LYAR: variants seen among roughly 807,000 people sequenced by gnomAD.
LYAR encodes the protein cell growth-regulating nucleolar protein.
LYAR carries 37 observed loss-of-function variants against 45.2 expected under a neutral mutation model. The ratio of observed to expected loss-of-function variants is 0.82; its 90% CI spans 0.63 to 1.08. The LOEUF (loss-of-function observed/expected upper bound fraction) is 1.08, where lower values mean the gene tolerates loss of function less well. LYAR is among the 50% of genes least tolerant of loss of function. The pLI, the probability that LYAR is intolerant of heterozygous loss-of-function variation, is 0.00. For synonymous variants in LYAR, 176 were observed against 155.1 expected, an observed-to-expected ratio of 1.14 and a Z score of -1.00; for missense variants, 493 against 451.0, an observed-to-expected ratio of 1.09 and a Z score of -0.84.
chr4:4,277,005 A>G (rs1719208655), intron 6 of LYAR, among the ~76,000 whole-genome samples: 2 of 152,182 alleles, frequency 1.3e-5, no homozygotes, highest in South Asian at 4.1e-4. Flanking sequence ...GAAACTTCAC[A>G]TCTGTCCTAC....
intron 6 of LYAR, among the ~76,000 whole-genome samples, chr4:4,276,565 G>T (rs1051318589): frequency 3.4e-5 from 5 of 148,350 alleles, no homozygotes; most frequent in African/African-American, 1.3e-4. Context: ...AAAAGAAAAC[G>T]GATACTGTAG....
At chr4:4,269,366 A>C (rs1718839258) in intron 8 of LYAR, among the ~76,000 whole-genome samples, 1 of 152,228 alleles carries the variant, frequency 6.6e-6, no homozygotes, top group Non-Finnish European at 1.5e-5. Context: ...CATCACAGAA[A>C]AAACGGTGGC....
intron 6 of LYAR, among the ~76,000 whole-genome samples, chr4:4,276,949 G>C (rs1233600291): frequency 2.0e-5 from 3 of 152,190 alleles, no homozygotes; most frequent in Non-Finnish European, 2.9e-5. Flanking sequence ...ATGGGGTAAA[G>C]GGCAGAGGAG....
Position 4,268,515 on chromosome 4 carries a change from G to T in LYAR, c.1005+15C>A, listed in dbSNP as rs747784640. On this transcript the variant is annotated intron_variant, in intron 9 of 9. Coordinates refer to ENST00000343470, the MANE Select transcript of LYAR (RefSeq NM_017816.3). ...CCCCAGCTGTTAGACACGTGGGTTT[G>T]TTCATATGCCATACCTTTTTCCTTA... The T allele has an allele frequency of 3.8e-6, 6 of 1,573,882 alleles. No individual in the cohort carries two copies. In the Admixed American group the frequency reaches 8.6e-5, roughly 23 times the overall value.
In LYAR at chr4:4,283,602, T is replaced by C. The variant is rs193280215; in HGVS notation, c.122+19A>G. 2 of 1,605,912 alleles carry C rather than the reference T, an allele frequency of 1.2e-6. No individual in the cohort carries two copies. Among genetic ancestry groups the C allele is most frequent in the Admixed American group, 1.7e-5 (1 of 59,740 alleles). On this transcript the variant is annotated intron_variant, in intron 3 of 9. Transcript: ENST00000343470. Reference sequence around the variant, plus strand: ...GATCTGGATTTACTATGGATCTACATGAATTCTGTGAAGCTTACCAGAAAT... The same window carrying C: ...GATCTGGATTTACTATGGATCTACACGAATTCTGTGAAGCTTACCAGAAAT...
At chr4:4,274,854 T>A (rs1451419683) in intron 6 of LYAR, 85 bp from the exon 7 acceptor site, 2 of 1,325,962 alleles carry the variant, frequency 1.5e-6, no homozygotes, top group East Asian at 2.3e-5. Flanking sequence ...GCCTACTACA[T>A]AAACTGTTCA....
At chr4:4,270,619 AAG>A (rs1718896743) in intron 8 of LYAR, among the ~76,000 whole-genome samples, 1 of 152,112 alleles carries the variant, frequency 6.6e-6, no homozygotes, top group African/African-American at 2.4e-5. Context: ...AATTTAAAAA[AAG>A]AGAGCAGACA....
rs1453630404 is a variant in LYAR, at chr4:4,267,772, T to TAA, written c.*115_*116dup. ...ATACCAAAAATATATTTTCTTAACTTAAAAATACAGCTTCAAAAAGCAAAA... is the reference window on the plus strand; with the variant it reads ...ATACCAAAAATATATTTTCTTAACTTAAAAAAATACAGCTTCAAAAAGCAAAA... On this transcript the variant is annotated 3_prime_UTR_variant, in exon 10 of 10. Transcript: ENST00000343470. The TAA allele has an allele frequency of 1.5e-6, 1 of 685,214 alleles. No individual in the cohort carries two copies. Among genetic ancestry groups the TAA allele is most frequent in the Admixed American group, 3.8e-5 (1 of 26,128 alleles). The allele number at this position is 685,214 out of a possible 1,614,324, so 42.4% of individuals were successfully genotyped here.
At chr4:4,283,941 T>C (rs753013025) in intron 2 of LYAR, 146 bp from the exon 3 acceptor site, 33 of 531,992 alleles carry the variant, frequency 6.2e-5, no homozygotes, top group Non-Finnish European at 1.0e-4. Context: ...CCACCATTCA[T>C]ATAAGTAAAA....
chr4:4,279,815 A>G, intron 4 of LYAR, 66 bp from the exon 5 acceptor site: 1 of 1,054,072 alleles, frequency 9.5e-7, no homozygotes, highest in Non-Finnish European at 1.4e-6. Flanking sequence ...ATGAAAGCCA[A>G]TTGAAAAAGT....
intron 4 of LYAR, among the ~76,000 whole-genome samples, chr4:4,280,186 A>T (rs1719340274): frequency 6.6e-6 from 1 of 152,252 alleles, no homozygotes; most frequent in Non-Finnish European, 1.5e-5. Flanking sequence ...CATCAAAAAG[A>T]ATAATCAGGA....
intron 8 of LYAR, among the ~76,000 whole-genome samples, chr4:4,272,548 TA>T (rs1718977792): frequency 6.6e-6 from 1 of 152,206 alleles, no homozygotes; most frequent in African/African-American, 2.4e-5. Context: ...TACACTATAA[TA>T]AAAGTTATGT....
At chr4:4,272,133 C>A (rs1014033510) in intron 8 of LYAR, among the ~76,000 whole-genome samples, 4 of 152,136 alleles carry the variant, frequency 2.6e-5, no homozygotes, top group Non-Finnish European at 5.9e-5. Context: ...CAGCCTTGCG[C>A]AATGGCGATG....
rs1484805449 is a variant in LYAR at position 4,281,898 on chromosome 4, CT to C, written c.123-2del. 2.5e-6 allele frequency: 4 copies of C among 1,607,988 alleles called. No individual in the cohort carries two copies. The highest frequency in any genetic ancestry group is 1.3e-5 in the African/African-American group (1 of 74,820). On this transcript the variant is annotated splice_acceptor_variant, in intron 3 of 9. Transcript: ENST00000343470. LOFTEE classifies it high-confidence loss of function. ...CACGTGGTTTTTATAGTCATCGCCC[CT>C]TTAAAGTGATCAAAAGTTCTGCCAT...
At chr4:4,285,955 A>G (rs563183346) in intron 2 of LYAR, among the ~76,000 whole-genome samples, 2 of 152,362 alleles carry the variant, frequency 1.3e-5, no homozygotes, top group Non-Finnish European at 2.9e-5. Context: ...GAGATCGGCT[A>G]CACACTACAG....
Position 4,279,421 on chromosome 4 carries a change from C to A in LYAR, c.429+26G>T, listed in dbSNP as rs187949810. 7.0e-4 allele frequency: 1,051 copies of A among 1,493,380 alleles called. 8 individuals carry two copies. The African/African-American group carries it at 0.013, about 18-fold the overall frequency. 92.5% of individuals were successfully genotyped at this position (1,493,380 alleles called of 1,614,324 possible). A position where few individuals can be genotyped will look rare whatever the true frequency, so the allele number is the denominator to read the frequency against. On this transcript the variant is annotated intron_variant, in intron 6 of 9. Transcript: ENST00000343470. ...ATTACTAATTATTTTTGCCACAATG[C>A]AAATCTAAAATCAGATCTGACTTAC... is the stretch of plus-strand genomic sequence containing the variant.
intron 6 of LYAR, among the ~76,000 whole-genome samples, chr4:4,277,656 G>C: frequency 6.6e-6 from 1 of 152,196 alleles, no homozygotes; most frequent in Admixed American, 6.5e-5. Context: ...CTTCTTCCCA[G>C]TGCTGATCAG....
intron 8 of LYAR, among the ~76,000 whole-genome samples, chr4:4,271,541 C>T (rs945903781): frequency 6.6e-6 from 1 of 152,172 alleles, no homozygotes; most frequent in Non-Finnish European, 1.5e-5. Context: ...AACAGTGGGG[C>T]TGCTGGATTG....
chr4:4,279,364 G>C, intron 6 of LYAR, 83 bp downstream of exon 6: 1 of 955,796 alleles, frequency 1.0e-6, no homozygotes, highest in Non-Finnish European at 1.6e-6. Context: ...AGGCTGCCTT[G>C]ACTTCCAAAA....
Sources: gnomAD v4.1 joint callset for allele counts (sites outside exome capture counted in the v4.1 genomes callset) on GRCh38, gnomAD v4.1.1 for gene constraint, MANE v1.5 for transcripts, NCBI Gene and HGNC (gene_info 2026-07-23, HGNC 2026-07-21) for gene names.